The following IL17RA variants were observed in gnomAD, a reference collection of about 807,000 sequenced individuals.
IL17RA encodes interleukin 17 receptor A.
Under a neutral mutation model 50.4 loss-of-function variants are expected in IL17RA, and 34 were observed. That is an observed-to-expected ratio of 0.67 (90% CI 0.51 to 0.90). The LOEUF is 0.90. Among genes scored for constraint, IL17RA ranks in the 40% least tolerant of loss-of-function variants. The pLI is 0.00. For synonymous variants in IL17RA, 585 were observed against 510.4 expected (o/e 1.15, Z -1.97); for missense variants, 1,276 against 1,169.8 (o/e 1.09, Z -1.32).
chr22:17,092,481 C>T (rs1196523198), intron 1 of IL17RA, among the ~76,000 whole-genome samples: 1 of 152,116 alleles, frequency 6.6e-6, no homozygotes, highest in African/African-American at 2.4e-5. Flanking sequence ...GAGCACTCAA[C>T]CTGTGGGATC....
In IL17RA at chr22:17,113,008, T is replaced by G. The variant is rs1468523005; in HGVS notation, c.*3188T>G. 6.6e-6 allele frequency: 1 copy of G among 151,886 alleles called. No homozygotes were observed. Among genetic ancestry groups the G allele is most frequent in the African/African-American group, 2.4e-5 (1 of 41,416 alleles). 9.4% of individuals were successfully genotyped at this position (151,886 alleles called of 1,614,324 possible). On this transcript the variant is annotated 3_prime_UTR_variant, in exon 13 of 13. Transcript: ENST00000319363. ...ATCCTAGTTTTTTTTTTGTTTTTTT[T>G]TTTTTTAAGGAATAATTACTTTGAT...
In IL17RA at chr22:17,085,126, C is replaced by T. The variant is rs1465825134; in HGVS notation, c.35C>T (p.Pro12Leu). The T allele has an allele frequency of 2.1e-6, 3 of 1,459,434 alleles. No homozygotes were observed. The highest frequency in any genetic ancestry group is 2.7e-6 in the Non-Finnish European group (3 of 1,107,514). 90.4% of individuals were successfully genotyped at this position (1,459,434 alleles called of 1,614,324 possible). Residue 12 changes from proline to leucine, a missense_variant, in exon 1 of 13, where the codon CCG (proline) becomes CTG (leucine). Physicochemically the swap from Pro to Leu is moderately conservative, Grantham distance 98 (BLOSUM62 -3). Coordinates refer to ENST00000319363, the MANE Select transcript of IL17RA (RefSeq NM_014339.7). Reference protein sequence around the residue: ...GAARSPPSAVPGPLLGLLLLL... With the variant: ...GAARSPPSAVLGPLLGLLLLL... ...GCACGCAGCCCGCCGTCCGCTGTCCCGGGGCCCCTGCTGGGGCTGCTCCTG... is the reference window on the plus strand; with the variant it reads ...GCACGCAGCCCGCCGTCCGCTGTCCTGGGGCCCCTGCTGGGGCTGCTCCTG...
At chr22:17,100,785 T>C (rs766268457) in intron 5 of IL17RA, among the ~76,000 whole-genome samples, 3 of 151,962 alleles carry the variant, frequency 2.0e-5, no homozygotes, top group Non-Finnish European at 4.4e-5. Flanking sequence ...GCCCAGAAAA[T>C]AGCATAAAGG....
At chr22:17,088,125 G>C (rs2061334690) in intron 1 of IL17RA, among the ~76,000 whole-genome samples, 1 of 152,156 alleles carries the variant, frequency 6.6e-6, no homozygotes, top group African/African-American at 2.4e-5. Flanking sequence ...ATTGGCCCAA[G>C]GTCGCACAGC....
In IL17RA at chr22:17,103,437, A is replaced by ACCCAACTAGCCTTACCCAT. The variant is rs550869999; in HGVS notation, c.763-35_763-17dup. 7.1e-5 allele frequency: 102 copies of ACCCAACTAGCCTTACCCAT among 1,432,188 alleles called. 1 individual carries two copies. The South Asian group carries it at 7.4e-4, about 10-fold the overall frequency. The allele number at this position is 1,432,188 out of a possible 1,614,324, so 88.7% of individuals were successfully genotyped here. A position where few individuals can be genotyped will look rare whatever the true frequency, so the allele number is the denominator to read the frequency against. On this transcript the variant is annotated intron_variant, in intron 7 of 12. Transcript: ENST00000319363. ...CATGGCAGTGCCACAGCGTGTTCTT[A>ACCCAACTAGCCTTACCCAT]CCCAACTAGCCTTACCCATCCCAAC...
rs1182533987 is a variant in IL17RA at position 17,113,877 on chromosome 22, T to C, written c.*4057T>C. 1 of 152,228 alleles carries C rather than the reference T, an allele frequency of 6.6e-6. No individual in the cohort carries two copies. The highest frequency in any genetic ancestry group is 1.5e-5 in the Non-Finnish European group (1 of 68,048). 9.4% of individuals were successfully genotyped at this position (152,228 alleles called of 1,614,324 possible). ...GGGTGGGGCAGGAGTTCCCACCTCA[T>C]GGGGTCCTGGCAAGCCTGCAGTATC... On this transcript the variant is annotated 3_prime_UTR_variant, in exon 13 of 13. Transcript: ENST00000319363.
At chr22:17,091,679 A>G (rs2061348804) in intron 1 of IL17RA, among the ~76,000 whole-genome samples, 2 of 149,766 alleles carry the variant, frequency 1.3e-5, no homozygotes, top group African/African-American at 4.9e-5. Flanking sequence ...CTCTGTCTCA[A>G]AAAAAAAAAA....
chr22:17,105,587 G>C lies in IL17RA; in HGVS notation c.932-4G>C. 6.2e-7 allele frequency: 1 copy of C among 1,613,202 alleles called. No individual in the cohort carries two copies. The highest frequency in any genetic ancestry group is 1.1e-5 in the South Asian group (1 of 91,058). On this transcript the variant is annotated splice_region_variant and splice_polypyrimidine_tract_variant and intron_variant, in intron 9 of 12. Transcript: ENST00000319363. ...TTTCCCTTTTTCCTCTGTTCTCATT[G>C]CAGAACCAATTCCGGGTAAGCTTGG... is the stretch of plus-strand genomic sequence containing the variant.
chr22:17,086,162 G>T (rs1415732450), intron 1 of IL17RA, among the ~76,000 whole-genome samples: 3 of 151,978 alleles, frequency 2.0e-5, no homozygotes, highest in Admixed American at 2.0e-4. Flanking sequence ...AGAGCAAAAC[G>T]CCGTGCCCCT....
intron 1 of IL17RA, among the ~76,000 whole-genome samples, chr22:17,088,529 A>C (rs1393721755): frequency 6.6e-6 from 1 of 151,934 alleles, no homozygotes; most frequent in African/African-American, 2.4e-5. Context: ...ACTGTCGCCC[A>C]GGCTACAGTG....
At position 17,113,286 on chromosome 22, in the gene IL17RA, C is replaced by G. The variant is rs2123817767; in HGVS notation, c.*3466C>G. 1 of 152,426 alleles carries G rather than the reference C, an allele frequency of 6.6e-6. No homozygotes were observed. Among genetic ancestry groups the G allele is most frequent in the South Asian group, 2.1e-4 (1 of 4,822 alleles). The allele number at this position is 152,426 out of a possible 1,614,324, so 9.4% of individuals were successfully genotyped here. A position where few individuals can be genotyped will look rare whatever the true frequency, so the allele number is the denominator to read the frequency against. On this transcript the variant is annotated 3_prime_UTR_variant, in exon 13 of 13. Coordinates refer to ENST00000319363, the MANE Select transcript of IL17RA (RefSeq NM_014339.7). ...ATGGCTCACTGCAGCCTCGACCTCC[C>G]AGGCTCAAGCCATCTTTCCACCTCA... is the stretch of plus-strand genomic sequence containing the variant.
At chr22:17,092,943 G>A (rs920391188) in intron 1 of IL17RA, among the ~76,000 whole-genome samples, 3 of 151,956 alleles carry the variant, frequency 2.0e-5, no homozygotes, top group African/African-American at 7.3e-5. Context: ...GAGTTTCAAG[G>A]TTCAGTTTTC....
intron 1 of IL17RA, among the ~76,000 whole-genome samples, chr22:17,088,504 T>C: frequency 6.6e-6 from 1 of 151,888 alleles, no homozygotes; most frequent in East Asian, 1.9e-4. Context: ...TTTTGTTTTT[T>C]TGACACAGAA....
At chr22:17,097,714 T>C in intron 2 of IL17RA, 83 bp from the exon 3 acceptor site, 3 of 1,570,714 alleles carry the variant, frequency 1.9e-6, no homozygotes, top group South Asian at 1.1e-5. Context: ...AGCTGTTTGC[T>C]GTCTAGCTGT....
At chr22:17,098,463 G>A (rs1233015272) in intron 3 of IL17RA, among the ~76,000 whole-genome samples, 3 of 152,208 alleles carry the variant, frequency 2.0e-5, no homozygotes, top group Non-Finnish European at 4.4e-5. Flanking sequence ...CCACAACCTC[G>A]TGAGGATGGT....
intron 10 of IL17RA, 67 bp from the exon 11 acceptor site, chr22:17,105,786 G>C: frequency 6.8e-7 from 1 of 1,476,676 alleles, no homozygotes; most frequent in Non-Finnish European, 9.4e-7. Context: ...TGGGGAGCAG[G>C]GCTGGGGGCC....
Position 17,109,361 on chromosome 22 carries a change from T to C in IL17RA, c.2142T>C (p.Asn714=). The change falls in exon 13 of 13, where the codon AAT becomes AAC. Residue 714 remains asparagine (N), a synonymous_variant. Coordinates refer to ENST00000319363, the MANE Select transcript of IL17RA (RefSeq NM_014339.7). ...PLLGSPGAGR[N]SVLFLPVDPE... The stretch of plus-strand genomic sequence containing the variant: ...TGGGCAGCCCGGGCGCTGGGCGAAA[T>C]AGCGTCCTCTTCCTCCCCGTGGACC... 3 of 1,607,124 alleles carry C rather than the reference T, an allele frequency of 1.9e-6. No homozygotes were observed. The highest frequency in any genetic ancestry group is 2.5e-6 in the Non-Finnish European group (3 of 1,178,526).
Position 17,108,394 on chromosome 22 carries a change from T to G in IL17RA, c.1175T>G (p.Val392Gly), listed in dbSNP as rs1291002698. 20 of 1,613,936 alleles carry G rather than the reference T, an allele frequency of 1.2e-5. No individual in the cohort carries two copies. Among genetic ancestry groups the G allele is most frequent in the Non-Finnish European group, 1.7e-5 (20 of 1,179,988 alleles). ...TACTCAGCCGACCACCCCCTCTACG[T>G]GGACGTGGTCCTGAAATTCGCCCAG... is the stretch of plus-strand genomic sequence containing the variant. Reference protein sequence around the residue: ...IIYSADHPLYVDVVLKFAQFL... With the variant: ...IIYSADHPLYGDVVLKFAQFL... The change falls in exon 13 of 13, where the codon GTG (valine) becomes GGG (glycine). Residue 392 changes from valine (V) to glycine (G), a missense_variant. Physicochemically the swap from Val to Gly is moderately radical, Grantham distance 109. Transcript: ENST00000319363.
Position 17,109,840 on chromosome 22 carries a change from G to A in IL17RA, c.*20G>A, listed in dbSNP as rs1482000527. ...GCATGAGGGCGGCTCCCCAGGGACC[G>A]CCCAGATCCCAGCTTTGAGAGAGGA... On this transcript the variant is annotated 3_prime_UTR_variant, in exon 13 of 13. Coordinates refer to ENST00000319363, the MANE Select transcript of IL17RA (RefSeq NM_014339.7). 4 of 1,546,390 alleles carry A rather than the reference G, an allele frequency of 2.6e-6. No homozygotes were observed. Among genetic ancestry groups the A allele is most frequent in the African/African-American group, 2.7e-5 (2 of 73,016 alleles).
Sources: gnomAD v4.1 joint callset for allele counts (sites outside exome capture counted in the v4.1 genomes callset) on GRCh38, gnomAD v4.1.1 for gene constraint, MANE v1.5 for transcripts, NCBI Gene and HGNC (gene_info 2026-07-23, HGNC 2026-07-21) for gene names.